Variants in SPAG16 observed in about 807,000 individuals in gnomAD.
SPAG16 encodes the protein sperm-associated antigen 16 protein.
In SPAG16, 86 loss-of-function variants were observed where a neutral mutation model predicts 80.4. That is an observed-to-expected ratio of 1.07 (90% CI 0.90 to 1.28). SPAG16 has a LOEUF of 1.28. SPAG16 is among the 50% of genes most tolerant of loss of function. The probability of loss-of-function intolerance (pLI) is 0.00; values close to 1 mark genes in which losing one functional copy is unlikely to be tolerated. For missense variants in SPAG16, 870 were observed against 765.3 expected (o/e 1.14, Z -1.61); for synonymous variants, 294 against 265.9 (o/e 1.11, Z -1.03).
intron 15 of SPAG16, among the ~76,000 whole-genome samples, chr2:214,308,409 T>C (rs1191506801): frequency 3.3e-5 from 5 of 152,170 alleles, no homozygotes; most frequent in Admixed American, 6.6e-5. Flanking sequence ...TATTGGTATG[T>C]GTGGATTTGA....
intron 15 of SPAG16, among the ~76,000 whole-genome samples, chr2:214,183,723 G>A (rs963062442): frequency 1.3e-5 from 2 of 152,022 alleles, no homozygotes; most frequent in African/African-American, 4.8e-5. Flanking sequence ...TGTCCTGGCT[G>A]ATAATATTTT....
Position 213,930,155 on chromosome 2 carries a change from A to C in SPAG16, c.1400+10A>C. 6.2e-7 allele frequency: 1 copy of C among 1,607,596 alleles called. No homozygotes were observed. Among genetic ancestry groups the C allele is most frequent in the Non-Finnish European group, 8.5e-7 (1 of 1,175,786 alleles). ...TTTGGGATGTTAATAGGTAAGAAGT[A>C]CTTTAAACATTACTAATCCTCTGTG... is the stretch of plus-strand genomic sequence containing the variant. On this transcript the variant is annotated intron_variant, in intron 12 of 15. Transcript: ENST00000331683.
At chr2:214,298,165 C>T (rs1330285555) in intron 15 of SPAG16, among the ~76,000 whole-genome samples, 23 of 148,132 alleles carry the variant, frequency 1.6e-4, no homozygotes, top group African/African-American at 4.9e-4. Flanking sequence ...CATATACACA[C>T]ACACACACAC....
At chr2:213,565,215 C>T (rs2059721018) in intron 10 of SPAG16, among the ~76,000 whole-genome samples, 1 of 152,076 alleles carries the variant, frequency 6.6e-6, no homozygotes, top group African/African-American at 2.4e-5. Context: ...CATTTCATTC[C>T]ACAAGGAATA....
rs149222209 is a variant in SPAG16 at position 213,438,242 on chromosome 2, T to C, written c.943-51721T>C. On this transcript the variant is annotated intron_variant, in intron 9 of 15. Transcript: ENST00000331683. ...AAAGTGGTAACCTATTATTAATAGC[T>C]CTGCCAAATAGTCTAGTAAAAACTT... is the stretch of plus-strand genomic sequence containing the variant. 1.3e-4 allele frequency among the ~76,000 whole-genome samples: 20 copies of C among 152,350 alleles called. No individual in the cohort carries two copies. The East Asian group carries it at 1.9e-3, about 15-fold the overall frequency.
At chr2:214,242,894 T>G (rs1436557278) in intron 15 of SPAG16, among the ~76,000 whole-genome samples, 2 of 152,138 alleles carry the variant, frequency 1.3e-5, no homozygotes, top group African/African-American at 4.8e-5. Context: ...CTACATCGAT[T>G]GTTTTATCCT....
intron 9 of SPAG16, among the ~76,000 whole-genome samples, chr2:213,476,065 A>C (rs1198855053): frequency 6.6e-6 from 1 of 152,244 alleles, no homozygotes; most frequent in East Asian, 1.9e-4. Context: ...GTTTCTAAGA[A>C]TAGACAGAAA....
At chr2:214,334,940 C>G (rs1229098853) in intron 15 of SPAG16, among the ~76,000 whole-genome samples, 2 of 152,164 alleles carry the variant, frequency 1.3e-5, no homozygotes, top group Non-Finnish European at 2.9e-5. Flanking sequence ...GGTACCAAAT[C>G]TTTTAAAATT....
At chr2:213,904,600 C>CAA (rs34952255) in intron 11 of SPAG16, among the ~76,000 whole-genome samples, 1,021 of 89,436 alleles carry the variant, frequency 0.011, 49 homozygotes, top group African/African-American at 0.042. Context: ...ATAAATTTTG[C>CAA]AAAAAAAAAA....
rs1298352470 is a variant in SPAG16 at position 214,284,586 on chromosome 2, T to C, written c.1721-125554T>C. On this transcript the variant is annotated intron_variant, in intron 15 of 15. Coordinates refer to ENST00000331683, the MANE Select transcript of SPAG16 (RefSeq NM_024532.5). The stretch of plus-strand genomic sequence containing the variant: ...CCTTTTGTCCACTGAAAAGAAAAAG[T>C]GTATATTCATTTGGAGGTCTTTGCG... 6.6e-5 allele frequency among the ~76,000 whole-genome samples: 10 copies of C among 152,244 alleles called. No individual in the cohort carries two copies. In the East Asian group the frequency reaches 1.7e-3, roughly 26 times the overall value.
chr2:213,976,179 T>A (rs896299126), intron 12 of SPAG16, among the ~76,000 whole-genome samples: 1 of 149,314 alleles, frequency 6.7e-6, no homozygotes. Flanking sequence ...TATATATACA[T>A]GTATGTGCGT....
intron 11 of SPAG16, among the ~76,000 whole-genome samples, chr2:213,863,876 A>C (rs552727059): frequency 3.3e-5 from 5 of 152,300 alleles, no homozygotes; most frequent in African/African-American, 1.2e-4. Flanking sequence ...GAGATACATC[A>C]TTATTCACTC....
intron 9 of SPAG16, among the ~76,000 whole-genome samples, chr2:213,396,222 TA>T (rs1441931218): frequency 1.3e-5 from 2 of 152,302 alleles, no homozygotes; most frequent in Non-Finnish European, 2.9e-5. Flanking sequence ...GCTAAATTCC[TA>T]AAAAAATTCT....
intron 10 of SPAG16, among the ~76,000 whole-genome samples, chr2:213,693,971 T>C (rs779410791): frequency 1.3e-5 from 2 of 151,182 alleles, no homozygotes; most frequent in Non-Finnish European, 2.9e-5. Context: ...AAGCCAGAAA[T>C]ATGGATTTAT....
chr2:214,251,653 G>T (rs556605209), intron 15 of SPAG16, among the ~76,000 whole-genome samples: 2 of 152,028 alleles, frequency 1.3e-5, no homozygotes, highest in African/African-American at 4.8e-5. Context: ...TCTCATTTAC[G>T]TATTTCAAGA....
intron 13 of SPAG16, among the ~76,000 whole-genome samples, chr2:214,097,508 T>C (rs2052671970): frequency 6.6e-6 from 1 of 152,004 alleles, no homozygotes; most frequent in Non-Finnish European, 1.5e-5. Context: ...TGACATTCCA[T>C]TATTAGGGCT....
intron 15 of SPAG16, among the ~76,000 whole-genome samples, chr2:214,277,624 G>A (rs1307562087): frequency 6.6e-6 from 1 of 152,224 alleles, no homozygotes. Flanking sequence ...GGAGGCTGAA[G>A]AATAGCAAAT....
chr2:213,410,365 G>A (rs1344626977), intron 9 of SPAG16, among the ~76,000 whole-genome samples: 5 of 152,138 alleles, frequency 3.3e-5, no homozygotes, highest in Non-Finnish European at 7.4e-5. Flanking sequence ...TTCAGAAAAG[G>A]AAAAGTACCT....
chr2:214,134,222 C>T (rs2054928975), intron 14 of SPAG16, among the ~76,000 whole-genome samples: 2 of 152,146 alleles, frequency 1.3e-5, no homozygotes, highest in South Asian at 4.1e-4. Flanking sequence ...TTGAAGTCTA[C>T]ACTGGCCTAT....
Sources: allele counts gnomAD v4.1 joint callset (sites outside exome capture counted in the v4.1 genomes callset), GRCh38; gene constraint gnomAD v4.1.1; transcripts MANE v1.5; gene names NCBI Gene and HGNC (gene_info 2026-07-23, HGNC 2026-07-21).